The following PCDH17 variants were observed in gnomAD, a reference collection of about 807,000 sequenced individuals.
PCDH17 encodes the protein protocadherin 17, also known as protocadherin-17.
PCDH17 carries 21 observed loss-of-function variants against 67.7 expected under a neutral mutation model. The ratio of observed to expected loss-of-function variants is 0.31; its 90% CI spans 0.22 to 0.45. PCDH17 has a LOEUF of 0.45. PCDH17 is among the 20% of genes least tolerant of loss of function. The pLI is 1.00. For missense variants in PCDH17, 1,471 were observed against 1,564.8 expected (o/e 0.94, Z 1.01); for synonymous variants, 701 against 656.7 (o/e 1.07, Z -1.03).
intron 3 of PCDH17, among the ~76,000 whole-genome samples, chr13:57,696,509 C>T (rs1028064664): frequency 1.3e-5 from 2 of 150,722 alleles, no homozygotes; most frequent in Non-Finnish European, 3.0e-5. Context: ...AAGGAAAATA[C>T]AGATATATAC....
intron 3 of PCDH17, among the ~76,000 whole-genome samples, chr13:57,694,639 T>C (rs763113776): frequency 4.6e-5 from 7 of 151,304 alleles, no homozygotes; most frequent in Non-Finnish European, 8.9e-5. Context: ...GTAAATATTA[T>C]GTGTTTTCAT....
intron 2 of PCDH17, 40 bp downstream of exon 2, chr13:57,666,566 G>A: frequency 1.2e-6 from 2 of 1,608,308 alleles, no homozygotes; most frequent in Non-Finnish European, 1.7e-6. Flanking sequence ...TTCCCCATTT[G>A]CATTCGTGTC....
Position 57,634,307 on chromosome 13 carries a change from G to T in PCDH17, c.1761G>T (p.Thr587=), listed in dbSNP as rs770610923. 13 of 1,613,018 alleles carry T rather than the reference G, an allele frequency of 8.1e-6. No individual in the cohort carries two copies. Among genetic ancestry groups the T allele is most frequent in the Middle Eastern group, 1.6e-4 (1 of 6,062 alleles). ...NDNAPVIVLP[T]LQNDTAELQV... is the part of the protein sequence containing the mutation. ...ACGCGCCAGTGATCGTGCTCCCCAC[G>T]CTGCAGAACGACACCGCGGAGCTGC... is the stretch of plus-strand genomic sequence containing the variant. The change falls in exon 1 of 4, where the codon ACG becomes ACT. Residue 587 remains threonine (T), a synonymous_variant. Transcript: ENST00000377918. This position sits in a 1 kb window ranked among gnomAD's most constrained non-coding sequence, Gnocchi z 7.8.
chr13:57,716,412 A>G (rs1399802537), intron 3 of PCDH17, among the ~76,000 whole-genome samples: 2 of 151,848 alleles, frequency 1.3e-5, no homozygotes, highest in Admixed American at 1.3e-4. Context: ...TTGACCTATA[A>G]AGCTGGTCTC....
chr13:57,676,439 G>T (rs1264619940), intron 3 of PCDH17, among the ~76,000 whole-genome samples: 1 of 151,806 alleles, frequency 6.6e-6, no homozygotes, highest in Non-Finnish European at 1.5e-5. Flanking sequence ...ATTTAGACAT[G>T]TTAGAAATGT....
At chr13:57,685,443 T>C (rs1955496361) in intron 3 of PCDH17, among the ~76,000 whole-genome samples, 1 of 152,014 alleles carries the variant, frequency 6.6e-6, no homozygotes, top group Admixed American at 6.6e-5. Flanking sequence ...TGTGAAATTA[T>C]GTACAAACAA....
At chr13:57,670,931 G>C (rs1034149327) in intron 3 of PCDH17, among the ~76,000 whole-genome samples, 4 of 152,040 alleles carry the variant, frequency 2.6e-5, no homozygotes, top group South Asian at 2.1e-4. Flanking sequence ...GCAGCTAATT[G>C]AAGGTGTGAT....
intron 3 of PCDH17, 76 bp from the exon 4 acceptor site, chr13:57,724,536 A>G: frequency 8.4e-7 from 1 of 1,184,222 alleles, no homozygotes; most frequent in Non-Finnish European, 1.2e-6. Flanking sequence ...GCCCATTGAG[A>G]GCTGATCACA....
At chr13:57,643,380 T>G (rs892279179) in intron 1 of PCDH17, among the ~76,000 whole-genome samples, 2 of 151,700 alleles carry the variant, frequency 1.3e-5, no homozygotes, top group Non-Finnish European at 3.0e-5. Context: ...AGTTCAAACT[T>G]GAATAAGTGC....
At chr13:57,704,151 T>TA (rs1237481783) in intron 3 of PCDH17, among the ~76,000 whole-genome samples, 2 of 152,098 alleles carry the variant, frequency 1.3e-5, no homozygotes, top group Non-Finnish European at 2.9e-5. Context: ...CTATATAGGT[T>TA]TGTAGTCTCT....
intron 3 of PCDH17, among the ~76,000 whole-genome samples, chr13:57,689,222 A>G (rs929493021): frequency 6.6e-6 from 1 of 152,060 alleles, no homozygotes; most frequent in African/African-American, 2.4e-5. Context: ...TTAGGGGAAT[A>G]TGTCATTCTA....
intron 3 of PCDH17, among the ~76,000 whole-genome samples, chr13:57,713,080 C>T (rs746918978): frequency 1.3e-5 from 2 of 151,402 alleles, no homozygotes; most frequent in African/African-American, 2.4e-5. Context: ...AGCTTTTTTG[C>T]CCCTCAGTTT....
At chr13:57,685,760 C>T (rs528365286) in intron 3 of PCDH17, among the ~76,000 whole-genome samples, 87 of 151,816 alleles carry the variant, frequency 5.7e-4, no homozygotes, top group African/African-American at 2.1e-3. Flanking sequence ...ACAAAAAGGA[C>T]ATACGGTAAT....
At chr13:57,719,271 ATTTACATCTGT>A (rs1467477147) in intron 3 of PCDH17, among the ~76,000 whole-genome samples, 1 of 152,062 alleles carries the variant, frequency 6.6e-6, no homozygotes, top group East Asian at 1.9e-4. Context: ...CACAATTTCT[ATTTACATCTGT>A]TTACAAAACA....
At chr13:57,660,236 C>T (rs1955167156) in intron 1 of PCDH17, among the ~76,000 whole-genome samples, 1 of 151,836 alleles carries the variant, frequency 6.6e-6, no homozygotes, top group South Asian at 2.1e-4. Context: ...CAAAATGAGA[C>T]CCTGTCTCAA....
chr13:57,725,231 G>T lies in PCDH17; in HGVS notation c.3417G>T (p.Val1139=). 8 of 1,613,838 alleles carry T rather than the reference G, an allele frequency of 5.0e-6. No homozygotes were observed. Among genetic ancestry groups the T allele is most frequent in the Non-Finnish European group, 6.8e-6 (8 of 1,179,944 alleles). The change falls in exon 4 of 4, where the codon GTG becomes GTT. Residue 1139 remains valine (V), a synonymous_variant. Coordinates refer to ENST00000377918, the MANE Select transcript of PCDH17 (RefSeq NM_001040429.3). The part of the protein sequence containing the change: ...GRESVDAEEV[V]REIDKLLQDC... ...AGTCTGTGGATGCAGAGGAAGTTGT[G>T]AGAGAAATTGATAAGCTTTTGCAAG... is the stretch of plus-strand genomic sequence containing the variant.
intron 1 of PCDH17, among the ~76,000 whole-genome samples, chr13:57,637,113 C>G (rs149105719): frequency 2.6e-5 from 4 of 152,070 alleles, no homozygotes; most frequent in Non-Finnish European, 5.9e-5. Context: ...CAAATACACA[C>G]GTGCGCACAC....
rs1955262163 is a variant in PCDH17 at position 57,666,840 on chromosome 13, G to A, written c.2797+7G>A. The stretch of plus-strand genomic sequence containing the variant: ...AGCCAACCACTTGAACAAGGTGAGT[G>A]AAGTCTTCCAATGCTTACAAAGTGT... On this transcript the variant is annotated splice_region_variant and intron_variant, in intron 3 of 3. Transcript: ENST00000377918. The A allele has an allele frequency of 6.3e-7, 1 of 1,598,440 alleles. No homozygotes were observed. Among genetic ancestry groups the A allele is most frequent in the Admixed American group, 1.7e-5 (1 of 58,370 alleles).
At chr13:57,711,467 A>C (rs554209575) in intron 3 of PCDH17, among the ~76,000 whole-genome samples, 1 of 152,020 alleles carries the variant, frequency 6.6e-6, no homozygotes, top group African/African-American at 2.4e-5. Context: ...ATATGAATGT[A>C]ATTTTTTAAT....
Sources: allele counts gnomAD v4.1 joint callset (sites outside exome capture counted in the v4.1 genomes callset), GRCh38; gene constraint gnomAD v4.1.1; non-coding constraint Gnocchi (gnomAD v3.1); transcripts MANE v1.5; gene names NCBI Gene and HGNC (gene_info 2026-07-23, HGNC 2026-07-21).